Variants in TLR6 observed in about 807,000 individuals in gnomAD.
TLR6 encodes the protein toll-like receptor 6.
A neutral mutation model predicts 16.1 loss-of-function variants in TLR6; 9 were observed. The ratio of observed to expected loss-of-function variants is 0.56; its 90% confidence interval spans 0.34 to 0.98. The LOEUF (loss-of-function observed/expected upper bound fraction) is 0.98, where lower values mean the gene tolerates loss of function less well. Among genes scored for constraint, TLR6 ranks in the 50% least tolerant of loss-of-function variants. TLR6 has a pLI of 0.02. For missense variants in TLR6, 786 were observed against 921.0 expected (o/e 0.85, Z 1.90); for synonymous variants, 340 against 338.6 (o/e 1.00, Z -0.04).
chr4:38,839,154 G>A (rs979809866), intron 1 of TLR6, among the ~76,000 whole-genome samples: 6 of 146,276 alleles, frequency 4.1e-5, no homozygotes, highest in East Asian at 4.1e-4. Context: ...GGGAGGGAAG[G>A]GGGGGAAGAT....
chr4:38,828,946 C>T (rs1727693707), exon 2 of TLR6: 3 of 1,611,926 alleles, frequency 1.9e-6, no homozygotes, highest in Non-Finnish European at 2.5e-6. Flanking sequence ...TTCTTAAATC[C>T]AGAAGGATAT....
intron 1 of TLR6, among the ~76,000 whole-genome samples, chr4:38,834,257 T>TAAAA (rs1711784071): frequency 7.5e-6 from 1 of 132,624 alleles, no homozygotes; most frequent in African/African-American, 2.8e-5. Flanking sequence ...AATATATATA[T>TAAAA]AAAATTAAAA....
At chr4:38,846,504 A>G (rs1712536497) in intron 1 of TLR6, among the ~76,000 whole-genome samples, 1 of 152,136 alleles carries the variant, frequency 6.6e-6, no homozygotes, top group African/African-American at 2.4e-5. Flanking sequence ...TCCCAAACTC[A>G]CCAGGGGAGG....
chr4:38,844,831 A>T (rs1712447967), intron 1 of TLR6, among the ~76,000 whole-genome samples: 1 of 152,170 alleles, frequency 6.6e-6, no homozygotes, highest in African/African-American at 2.4e-5. Flanking sequence ...AGGTGGGTGG[A>T]TCTCCTGAGG....
At chr4:38,828,845 G>A in exon 2 of TLR6, 1 of 1,614,020 alleles carries the variant, frequency 6.2e-7, no homozygotes, top group Non-Finnish European at 8.5e-7. Flanking sequence ...CACTTGGATA[G>A]CGAATAAACT....
chr4:38,864,555 C>T, the TLR6 span, among the ~76,000 whole-genome samples: 1 of 152,208 alleles, frequency 6.6e-6, no homozygotes, highest in African/African-American at 2.4e-5. Flanking sequence ...CCTATGAAGA[C>T]TTTGAAATGA....
At chr4:38,862,606 T>TTC in the TLR6 span, among the ~76,000 whole-genome samples, 1 of 145,898 alleles carries the variant, frequency 6.9e-6, no homozygotes, top group East Asian at 2.0e-4. Context: ...TTTTTTTTTT[T>TTC]TTTTTTTGAG....
chr4:38,835,903 T>TA (rs1222840922), intron 1 of TLR6, among the ~76,000 whole-genome samples: 1 of 151,450 alleles, frequency 6.6e-6, no homozygotes, highest in African/African-American at 2.4e-5. Flanking sequence ...AAATAGGAGG[T>TA]AAAAAAGTTT....
At chr4:38,835,772 T>A (rs1240440901) in intron 1 of TLR6, among the ~76,000 whole-genome samples, 2 of 152,196 alleles carry the variant, frequency 1.3e-5, no homozygotes, top group African/African-American at 4.8e-5. Flanking sequence ...TATCAAGTAT[T>A]TTCTCAGATC....
chr4:38,834,257 T>TATAAAATTA (rs1553857351), intron 1 of TLR6, among the ~76,000 whole-genome samples: 3 of 132,622 alleles, frequency 2.3e-5, no homozygotes, highest in Non-Finnish European at 4.8e-5. Flanking sequence ...AATATATATA[T>TATAAAATTA]AAAATTAAAA....
At chr4:38,849,472 CACAGACTGGCA>C (rs1470585017) in intron 1 of TLR6, among the ~76,000 whole-genome samples, 1 of 152,034 alleles carries the variant, frequency 6.6e-6, no homozygotes, top group Admixed American at 6.6e-5. Flanking sequence ...AATTAAAAGA[CACAGACTGGCA>C]AATTGGATAA....
chr4:38,828,289 T>C (rs1185134562), exon 2 of TLR6: 3 of 1,613,638 alleles, frequency 1.9e-6, no homozygotes, highest in African/African-American at 2.7e-5. Flanking sequence ...TCATGAGACC[T>C]ACTTTGAAAA....
exon 2 of TLR6, chr4:38,827,679 C>A: frequency 1.2e-6 from 2 of 1,614,124 alleles, no homozygotes; most frequent in Non-Finnish European, 8.5e-7. Context: ...ACAGTCACAG[C>A]CAACACCAGC....
At chr4:38,838,568 C>T (rs181915761) in intron 1 of TLR6, among the ~76,000 whole-genome samples, 5 of 152,060 alleles carry the variant, frequency 3.3e-5, no homozygotes, top group Non-Finnish European at 5.9e-5. Flanking sequence ...GAGAGTAGAA[C>T]AATAGTTACC....
At chr4:38,859,450 A>C (rs1713146857), upstream of TLR6, among the ~76,000 whole-genome samples, 1 of 152,176 alleles carries the variant, frequency 6.6e-6, no homozygotes, top group Non-Finnish European at 1.5e-5. Context: ...CAGGAAACTT[A>C]ATACAAGGGT....
chr4:38,828,287 C>T (rs1463856963), exon 2 of TLR6: 3 of 1,613,462 alleles, frequency 1.9e-6, no homozygotes, highest in African/African-American at 2.7e-5. Flanking sequence ...CGTCATGAGA[C>T]CTACTTTGAA....
intron 1 of TLR6, among the ~76,000 whole-genome samples, chr4:38,834,760 A>G (rs1711817861): frequency 6.6e-6 from 1 of 152,246 alleles, no homozygotes; most frequent in African/African-American, 2.4e-5. Context: ...TGAAAGAAGA[A>G]ACTGTCAACC....
intron 1 of TLR6, among the ~76,000 whole-genome samples, chr4:38,839,449 C>T (rs1712138220): frequency 1.3e-5 from 2 of 152,048 alleles, no homozygotes; most frequent in South Asian, 4.2e-4. Context: ...TTCTTTTATC[C>T]TTCCCCACCA....
At chr4:38,849,012 T>C (rs544400241) in intron 1 of TLR6, among the ~76,000 whole-genome samples, 39 of 152,252 alleles carry the variant, frequency 2.6e-4, no homozygotes, top group Non-Finnish European at 4.1e-4. Flanking sequence ...GAAAAAATGT[T>C]AAGGGCAGCC....
Sources: gnomAD v4.1 joint callset for allele counts (sites outside exome capture counted in the v4.1 genomes callset) on GRCh38, gnomAD v4.1.1 for gene constraint, MANE v1.5 for transcripts, NCBI Gene and HGNC (gene_info 2026-07-23, HGNC 2026-07-21) for gene names.